The following PWWP2A variants were observed in gnomAD, a reference collection of about 807,000 sequenced individuals.
PWWP2A encodes PWWP domain-containing protein 2A.
PWWP2A carries 18 observed loss-of-function variants against 48.5 expected under a neutral mutation model. That is an observed-to-expected ratio of 0.37 (90% confidence interval 0.26 to 0.55). The LOEUF (loss-of-function observed/expected upper bound fraction) is 0.55. Ranked by LOEUF, PWWP2A falls within the 20% of genes least tolerant of loss-of-function variation. The pLI is 0.81. For synonymous variants in PWWP2A, 396 were observed against 387.7 expected (o/e 1.02, Z -0.25); for missense variants, 867 against 976.4 (o/e 0.89, Z 1.49).
At chr5:160,073,523 G>T (rs919958338), downstream of PWWP2A, among the ~76,000 whole-genome samples, 1 of 151,766 alleles carries the variant, frequency 6.6e-6, no homozygotes, top group African/African-American at 2.4e-5. Flanking sequence ...CACCATGCCC[G>T]GCCAAAAACA....
intron 1 of PWWP2A, among the ~76,000 whole-genome samples, chr5:160,096,243 G>A (rs552209223): frequency 3.9e-5 from 6 of 152,084 alleles, no homozygotes; most frequent in African/African-American, 1.4e-4. Context: ...CCTACGGTAA[G>A]ACAAGATTAG....
At chr5:160,055,960 C>A in the PWWP2A span, among the ~76,000 whole-genome samples, 2 of 152,202 alleles carry the variant, frequency 1.3e-5, no homozygotes, top group Non-Finnish European at 2.9e-5. Flanking sequence ...GGAATAGAGT[C>A]AGTTACATTA....
the PWWP2A span, chr5:160,051,104 C>A: frequency 2.0e-6 from 3 of 1,528,928 alleles, no homozygotes; most frequent in East Asian, 2.3e-5. Context: ...TTTTTACCAA[C>A]CCTTGTTTCT....
chr5:160,052,090 G>T, the PWWP2A span, among the ~76,000 whole-genome samples: 1 of 152,212 alleles, frequency 6.6e-6, no homozygotes, highest in Admixed American at 6.5e-5. Flanking sequence ...AGAGACTTTG[G>T]CCCCTGCCGG....
chr5:160,114,220 T>G (rs966930990), intron 1 of PWWP2A, among the ~76,000 whole-genome samples: 6 of 151,986 alleles, frequency 3.9e-5, no homozygotes, highest in Non-Finnish European at 8.8e-5. Context: ...AGTGTAGAAA[T>G]GGGAGGATGG....
At chr5:160,056,560 C>A in the PWWP2A span, among the ~76,000 whole-genome samples, 1 of 151,926 alleles carries the variant, frequency 6.6e-6, no homozygotes, top group Non-Finnish European at 1.5e-5. Context: ...CCTGTCTCTA[C>A]AAAAAAATAA....
At chr5:160,066,323 G>A (rs1027061124) in intron 4 of PWWP2A, among the ~76,000 whole-genome samples, 1 of 27,636 alleles carries the variant, frequency 3.6e-5, no homozygotes, top group African/African-American at 1.3e-4. Flanking sequence ...TTTGAGGGGG[G>A]TCTCGCTCTG....
intron 1 of PWWP2A, among the ~76,000 whole-genome samples, chr5:160,103,823 C>T (rs1756558485): frequency 6.6e-6 from 1 of 152,016 alleles, no homozygotes; most frequent in Non-Finnish European, 1.5e-5. Flanking sequence ...AATAACCAGT[C>T]TCTTAATAAG....
the PWWP2A span, among the ~76,000 whole-genome samples, chr5:160,055,774 C>G: frequency 1.3e-5 from 2 of 152,250 alleles, no homozygotes; most frequent in Non-Finnish European, 2.9e-5. Context: ...GCGTTCAGCT[C>G]TGCTCTGAGA....
intron 4 of PWWP2A, among the ~76,000 whole-genome samples, chr5:160,064,120 C>G (rs904151324): frequency 4.6e-5 from 7 of 152,086 alleles, no homozygotes; most frequent in African/African-American, 1.7e-4. Context: ...AGGCGTATGC[C>G]ACCACCCTCA....
the PWWP2A span, chr5:160,051,109 G>A: frequency 7.4e-7 from 1 of 1,359,312 alleles, no homozygotes. Context: ...ACCAACCCTT[G>A]TTTCTCCTCT....
chr5:160,114,933 G>C (rs1461740908), intron 1 of PWWP2A, among the ~76,000 whole-genome samples: 2 of 151,388 alleles, frequency 1.3e-5, no homozygotes, highest in Non-Finnish European at 2.9e-5. Flanking sequence ...TCAGGAGTTC[G>C]AGACCAGCCT....
downstream of PWWP2A, among the ~76,000 whole-genome samples, chr5:160,087,859 A>G (rs1754761154): frequency 6.6e-6 from 1 of 152,218 alleles, no homozygotes; most frequent in Non-Finnish European, 1.5e-5. Flanking sequence ...TTGAGTAAAG[A>G]TAAGACAAAG....
intron 1 of PWWP2A, chr5:160,105,763 A>T: frequency 4.7e-6 from 1 of 212,196 alleles, no homozygotes; most frequent in Non-Finnish European, 7.9e-6. Context: ...TGACAGAATG[A>T]GACGCCATCT....
At chr5:160,089,398 G>A (rs1764484165), downstream of PWWP2A, 5 of 389,076 alleles carry the variant, frequency 1.3e-5, no homozygotes, top group Admixed American at 2.4e-4. Flanking sequence ...AGATGGCAGC[G>A]GGGACGGGGG....
chr5:160,101,294 G>A (rs112322660), intron 1 of PWWP2A, among the ~76,000 whole-genome samples: 1,952 of 152,284 alleles, frequency 0.013, 48 homozygotes, highest in African/African-American at 0.045. Flanking sequence ...AGGTTGCAGT[G>A]AGAAGAGATC....
At chr5:160,090,805 A>G (rs1359078271), downstream of PWWP2A, 3 of 980,008 alleles carry the variant, frequency 3.1e-6, no homozygotes, top group East Asian at 3.4e-4. Flanking sequence ...TTAAGACACA[A>G]AGTATGAAAG....
rs201830351 is a variant in PWWP2A at position 160,064,919 on chromosome 5, T to G, written c.*237-1246A>C. 3.1e-6 allele frequency: 5 copies of G among 1,604,384 alleles called. No homozygotes were observed. In the East Asian group the frequency reaches 8.9e-5, roughly 29 times the overall value. On this transcript the variant is annotated intron_variant and NMD_transcript_variant, in intron 4 of 5. Transcript: ENST00000524050. ...TTCCTGTATTCATTTGAGTTTTTGC[T>G]TTTACATTACAGGTAAATTAAAAGA... is the stretch of plus-strand genomic sequence containing the variant.
chr5:160,092,013 G>GAT lies in PWWP2A; in HGVS notation c.*367_*368dup, dbSNP rs138372919. 5.5e-3 allele frequency: 1,769 copies of GAT among 321,214 alleles called. 81 individuals are homozygous for GAT. Among genetic ancestry groups the GAT allele is most frequent in the Admixed American group, 5.7e-3 (71 of 12,464 alleles). 19.9% of individuals were successfully genotyped at this position (321,214 alleles called of 1,614,324 possible). A position where few individuals can be genotyped will look rare whatever the true frequency, so the allele number is the denominator to read the frequency against. On this transcript the variant is annotated 3_prime_UTR_variant, in exon 2 of 2. Transcript: ENST00000307063. ...ATATGTGTGTATATATACATACACG[G>GAT]ATATATATATATACACACACACACA...
Sources: allele counts gnomAD v4.1 joint callset (sites outside exome capture counted in the v4.1 genomes callset), GRCh38; gene constraint gnomAD v4.1.1; transcripts MANE v1.5; gene names NCBI Gene and HGNC (gene_info 2026-07-23, HGNC 2026-07-21).